Variants in VAV3 observed in about 807,000 individuals in gnomAD.
The protein encoded by VAV3 is guanine nucleotide exchange factor VAV3.
VAV3 carries 94 observed loss-of-function variants against 131.2 expected under a neutral mutation model. The observed-to-expected ratio is 0.72, with a 90% confidence interval of 0.61 to 0.85. The LOEUF is 0.85. Ranked by LOEUF, VAV3 falls within the 40% of genes least tolerant of loss-of-function variation. The probability of loss-of-function intolerance (pLI) is 0.00; values close to 1 mark genes in which losing one functional copy is unlikely to be tolerated. For synonymous variants in VAV3, 349 were observed against 342.0 expected, an observed-to-expected ratio of 1.02 and a Z score of -0.22; for missense variants, 939 against 1,002.7, an observed-to-expected ratio of 0.94 and a Z score of 0.86.
intron 11 of VAV3, 49 bp downstream of exon 11, chr1:107,757,212 T>G (rs1342594880): frequency 6.8e-7 from 1 of 1,473,002 alleles, no homozygotes; most frequent in East Asian, 2.3e-5. Flanking sequence ...TCCATTGTCT[T>G]TAGGCAAGAA....
At chr1:107,610,790 T>C (rs1312100459) in intron 21 of VAV3, among the ~76,000 whole-genome samples, 2 of 152,162 alleles carry the variant, frequency 1.3e-5, no homozygotes, top group Non-Finnish European at 2.9e-5. Context: ...ATAGAGAGGG[T>C]TACTTTAAAA....
intron 18 of VAV3, among the ~76,000 whole-genome samples, chr1:107,685,582 C>A (rs988948576): frequency 3.3e-5 from 5 of 152,072 alleles, no homozygotes; most frequent in Admixed American, 6.6e-5. Flanking sequence ...AAAACAGAAA[C>A]CTTTCTACAG....
At chr1:107,762,673 T>C (rs942513351) in intron 9 of VAV3, among the ~76,000 whole-genome samples, 2 of 152,156 alleles carry the variant, frequency 1.3e-5, no homozygotes, top group Non-Finnish European at 2.9e-5. Flanking sequence ...ATATTATATA[T>C]TTAAAATTCA....
intron 2 of VAV3, among the ~76,000 whole-genome samples, chr1:107,824,504 A>G (rs1667932285): frequency 6.6e-6 from 1 of 152,242 alleles, no homozygotes; most frequent in Non-Finnish European, 1.5e-5. Flanking sequence ...AAGGATCCAC[A>G]GATAAATACG....
chr1:107,792,123 C>T (rs1394449162), intron 2 of VAV3, among the ~76,000 whole-genome samples: 1 of 152,176 alleles, frequency 6.6e-6, no homozygotes, highest in East Asian at 1.9e-4. Flanking sequence ...CCCATTGTTC[C>T]ACTGAACCCT....
intron 15 of VAV3, among the ~76,000 whole-genome samples, chr1:107,743,063 C>A (rs1663117551): frequency 1.3e-5 from 2 of 152,078 alleles, no homozygotes; most frequent in Non-Finnish European, 2.9e-5. Context: ...AACTGAAACA[C>A]ACAATCTAAC....
intron 20 of VAV3, among the ~76,000 whole-genome samples, chr1:107,642,262 A>G (rs1335243541): frequency 3.9e-5 from 6 of 152,250 alleles, no homozygotes; most frequent in South Asian, 4.1e-4. Flanking sequence ...AGCCGGCTAA[A>G]TCCTACCAAA....
chr1:107,949,795 T>C (rs999663055), intron 1 of VAV3, among the ~76,000 whole-genome samples: 5 of 152,234 alleles, frequency 3.3e-5, no homozygotes, highest in African/African-American at 1.2e-4. Flanking sequence ...TGTGGCTGAC[T>C]GAACTAAGTT....
chr1:107,888,607 C>T (rs151110422), intron 1 of VAV3, among the ~76,000 whole-genome samples: 7 of 152,154 alleles, frequency 4.6e-5, no homozygotes, highest in African/African-American at 9.6e-5. Flanking sequence ...GACAGGTGCC[C>T]GCCAACACGC....
chr1:107,658,907 C>T (rs909939322), intron 19 of VAV3, among the ~76,000 whole-genome samples: 35 of 152,214 alleles, frequency 2.3e-4, no homozygotes, highest in African/African-American at 6.0e-4. Flanking sequence ...GTTGTCTGTT[C>T]ACTCTGATGG....
At chr1:107,629,597 A>C (rs955099343) in intron 20 of VAV3, among the ~76,000 whole-genome samples, 6 of 152,176 alleles carry the variant, frequency 3.9e-5, no homozygotes, top group Admixed American at 6.6e-5. Context: ...AATTTTATAG[A>C]GCTTTCAAGG....
chr1:107,730,222 A>G (rs192309549), intron 15 of VAV3, among the ~76,000 whole-genome samples: 361 of 152,348 alleles, frequency 2.4e-3, no homozygotes, highest in East Asian at 8.3e-3. Flanking sequence ...AAGGAGAAGG[A>G]TGACAGCATT....
chr1:107,733,684 T>A (rs1341273932), intron 15 of VAV3, among the ~76,000 whole-genome samples: 1 of 151,472 alleles, frequency 6.6e-6, no homozygotes, highest in African/African-American at 2.4e-5. Flanking sequence ...GAAGAGAAGT[T>A]TAGAGAAAAA....
intron 19 of VAV3, chr1:107,668,988 T>C: frequency 5.0e-6 from 5 of 997,184 alleles, no homozygotes; most frequent in Non-Finnish European, 6.0e-6. Flanking sequence ...GGGTTCAGGA[T>C]TTCTAAGGGA....
At chr1:107,708,653 T>C (rs1455218933) in intron 15 of VAV3, among the ~76,000 whole-genome samples, 1 of 152,106 alleles carries the variant, frequency 6.6e-6, no homozygotes, top group Non-Finnish European at 1.5e-5. Context: ...AGATATGCAT[T>C]CCTAACTGCT....
chr1:107,862,830 G>A (rs1669802819), intron 2 of VAV3: 1 of 151,918 alleles, frequency 6.6e-6, no homozygotes, highest in South Asian at 2.1e-4. Flanking sequence ...ATTCCTAGAA[G>A]GTTTCCTATT....
At chr1:107,903,518 AATG>A (rs1387216382) in intron 1 of VAV3, among the ~76,000 whole-genome samples, 1 of 152,162 alleles carries the variant, frequency 6.6e-6, no homozygotes, top group East Asian at 1.9e-4. Context: ...ATGCCAGATA[AATG>A]ATAAAATCTC....
chr1:107,887,805 C>T (rs1671110291), intron 1 of VAV3, among the ~76,000 whole-genome samples: 1 of 152,150 alleles, frequency 6.6e-6, no homozygotes, highest in Non-Finnish European at 1.5e-5. Flanking sequence ...CCCACAGGTG[C>T]TTTGATCTCC....
chr1:107,812,215 G>A (rs1413537923), intron 2 of VAV3, among the ~76,000 whole-genome samples: 1 of 152,192 alleles, frequency 6.6e-6, no homozygotes, highest in Non-Finnish European at 1.5e-5. Flanking sequence ...TTACAATGCT[G>A]TCAGATACTG....
Sources: gnomAD v4.1 joint callset for allele counts (sites outside exome capture counted in the v4.1 genomes callset) on GRCh38, gnomAD v4.1.1 for gene constraint, MANE v1.5 for transcripts, NCBI Gene and HGNC (gene_info 2026-07-23, HGNC 2026-07-21) for gene names.